The following TTBK2 variants were observed in gnomAD, a reference collection of about 807,000 sequenced individuals.
The protein encoded by TTBK2 is tau-tubulin kinase 2.
A neutral mutation model predicts 110.8 loss-of-function variants in TTBK2; 28 were observed. The ratio of observed to expected loss-of-function variants is 0.25; its 90% CI spans 0.19 to 0.35. The LOEUF (loss-of-function observed/expected upper bound fraction) is 0.35. Among genes scored for constraint, TTBK2 ranks in the 10% least tolerant of loss-of-function variants. TTBK2 has a pLI of 1.00. For synonymous variants in TTBK2, 532 were observed against 527.3 expected (o/e 1.01, Z -0.12); for missense variants, 1,369 against 1,500.3 (o/e 0.91, Z 1.45).
intron 11 of TTBK2, among the ~76,000 whole-genome samples, chr15:42,781,391 G>A (rs1202005328): frequency 2.6e-5 from 4 of 152,022 alleles, no homozygotes; most frequent in African/African-American, 9.7e-5. Flanking sequence ...TACAGTAACA[G>A]AGATATTCAT....
chr15:42,858,485 G>T (rs937492406), intron 3 of TTBK2, among the ~76,000 whole-genome samples: 33 of 152,174 alleles, frequency 2.2e-4, no homozygotes, highest in African/African-American at 7.2e-4. Flanking sequence ...ATACATGAAT[G>T]TTCATTATAT....
At chr15:42,779,790 G>C (rs1428735053) in intron 11 of TTBK2, among the ~76,000 whole-genome samples, 6 of 152,018 alleles carry the variant, frequency 3.9e-5, no homozygotes, top group Admixed American at 3.9e-4. Flanking sequence ...GACTTAGCCT[G>C]GCCAATACGG....
intron 9 of TTBK2, chr15:42,801,119 G>A: frequency 1.1e-6 from 1 of 914,134 alleles, no homozygotes; most frequent in Non-Finnish European, 1.8e-6. Context: ...TGAGGCCAGG[G>A]CTTGTGAGGC....
At chr15:42,756,282 G>A (rs1462146626) in intron 13 of TTBK2, among the ~76,000 whole-genome samples, 1 of 151,938 alleles carries the variant, frequency 6.6e-6, no homozygotes, top group Non-Finnish European at 1.5e-5. Context: ...GAACACAGCA[G>A]TGCTATAAAA....
intron 14 of TTBK2, among the ~76,000 whole-genome samples, chr15:42,750,548 A>T (rs2061851277): frequency 6.6e-6 from 1 of 152,116 alleles, no homozygotes; most frequent in South Asian, 2.1e-4. Context: ...AGGACAATGG[A>T]AAGTATTGAG....
chr15:42,861,448 T>G (rs1363445754), intron 3 of TTBK2, among the ~76,000 whole-genome samples: 4 of 152,084 alleles, frequency 2.6e-5, no homozygotes, highest in African/African-American at 9.7e-5. Context: ...AAAAGATCTA[T>G]CAAAACTACA....
At chr15:42,868,264 T>C (rs996369530) in intron 3 of TTBK2, among the ~76,000 whole-genome samples, 14 of 152,170 alleles carry the variant, frequency 9.2e-5, no homozygotes, top group Non-Finnish European at 1.9e-4. Flanking sequence ...GGAGCACCTA[T>C]ATACACATAA....
chr15:42,745,610 T>C lies in TTBK2; in HGVS notation c.*185A>G, dbSNP rs376104201. The C allele has an allele frequency of 2.4e-4, 173 of 726,474 alleles. 1 individual carries two copies. The East Asian group carries it at 2.7e-3, about 12-fold the overall frequency. 45.0% of individuals were successfully genotyped at this position (726,474 alleles called of 1,614,324 possible). A position where few individuals can be genotyped will look rare whatever the true frequency, so the allele number is the denominator to read the frequency against. On this transcript the variant is annotated 3_prime_UTR_variant, in exon 15 of 15. Transcript: ENST00000267890. ...TGTACAAAGACATTGATTCCTAATCTACTTGCTGCCTGCCTTAGGTAATTC... is the reference window on the plus strand; with the variant it reads ...TGTACAAAGACATTGATTCCTAATCCACTTGCTGCCTGCCTTAGGTAATTC...
Position 42,893,894 on chromosome 15 carries a change from C to A in TTBK2, c.-67-15210G>T, listed in dbSNP as rs114228954. 2.3e-3 allele frequency among the ~76,000 whole-genome samples: 357 copies of A among 152,290 alleles called. 2 individuals carry two copies. Among genetic ancestry groups the A allele is most frequent in the African/African-American group, 8.3e-3 (346 of 41,554 alleles). ...GACAACCATCAAAAACTACAAACTA[C>A]CACAATTCACCCAAGGTGAAAGGGA... On this transcript the variant is annotated intron_variant, in intron 1 of 14. Coordinates refer to ENST00000267890, the MANE Select transcript of TTBK2 (RefSeq NM_173500.4).
chr15:42,806,388 A>G (rs1891471162), intron 9 of TTBK2, among the ~76,000 whole-genome samples: 1 of 152,252 alleles, frequency 6.6e-6, no homozygotes, highest in African/African-American at 2.4e-5. Flanking sequence ...TTGGATGCAC[A>G]TAACCGCAAA....
intron 6 of TTBK2, among the ~76,000 whole-genome samples, chr15:42,825,384 G>A (rs867575328): frequency 1.3e-5 from 2 of 152,248 alleles, no homozygotes; most frequent in Non-Finnish European, 1.5e-5. Context: ...TAATATGATA[G>A]CCACTTAAAA....
intron 13 of TTBK2, among the ~76,000 whole-genome samples, chr15:42,755,784 T>C (rs1041714195): frequency 6.6e-6 from 1 of 152,238 alleles, no homozygotes; most frequent in African/African-American, 2.4e-5. Flanking sequence ...CTAAAATTTA[T>C]AGTAATTCAC....
intron 1 of TTBK2, among the ~76,000 whole-genome samples, chr15:42,894,946 G>A (rs1895609699): frequency 6.6e-6 from 1 of 152,122 alleles, no homozygotes; most frequent in African/African-American, 2.4e-5. Flanking sequence ...CAGATTAATA[G>A]TCTAAAAATG....
At chr15:42,889,499 C>T (rs752793611) in intron 1 of TTBK2, among the ~76,000 whole-genome samples, 22 of 152,148 alleles carry the variant, frequency 1.4e-4, no homozygotes, top group Non-Finnish European at 2.8e-4. Flanking sequence ...TACCCCTTAC[C>T]GTCCTCAATC....
At chr15:42,834,200 G>GGA (rs1892898914) in intron 4 of TTBK2, among the ~76,000 whole-genome samples, 1 of 150,466 alleles carries the variant, frequency 6.6e-6, no homozygotes, top group Non-Finnish European at 1.5e-5. Context: ...AAAAAAAGGG[G>GGA]GGGGGTGTAT....
intron 13 of TTBK2, among the ~76,000 whole-genome samples, chr15:42,763,457 A>G (rs1344448367): frequency 2.0e-5 from 3 of 151,000 alleles, no homozygotes; most frequent in Non-Finnish European, 4.4e-5. Context: ...CAGGTAATCC[A>G]CCTGCCTCAG....
chr15:42,851,801 G>A (rs1466623949), intron 3 of TTBK2, among the ~76,000 whole-genome samples: 1 of 152,008 alleles, frequency 6.6e-6, no homozygotes, highest in Non-Finnish European at 1.5e-5. Flanking sequence ...TAACAGTGGG[G>A]AAGAAAGTGA....
chr15:42,790,582 G>C (rs1225699991), intron 10 of TTBK2, among the ~76,000 whole-genome samples: 3 of 152,066 alleles, frequency 2.0e-5, no homozygotes, highest in African/African-American at 7.2e-5. Flanking sequence ...CACTGTGCCT[G>C]GCCCGTACTT....
intron 4 of TTBK2, among the ~76,000 whole-genome samples, chr15:42,835,629 TAA>T (rs796745439): frequency 6.8e-6 from 1 of 147,318 alleles, no homozygotes; most frequent in African/African-American, 2.5e-5. Context: ...AAACCAAATG[TAA>T]AAAAAAAAAT....
Sources: allele counts gnomAD v4.1 joint callset (sites outside exome capture counted in the v4.1 genomes callset), GRCh38; gene constraint gnomAD v4.1.1; transcripts MANE v1.5; gene names NCBI Gene and HGNC (gene_info 2026-07-23, HGNC 2026-07-21).